The following PDE2A variants were observed in gnomAD, a reference collection of about 807,000 sequenced individuals.
PDE2A encodes the protein phosphodiesterase 2A.
Under a neutral mutation model 133.6 loss-of-function variants are expected in PDE2A, and 53 were observed. The ratio of observed to expected loss-of-function variants is 0.40; its 90% CI spans 0.32 to 0.50. PDE2A has a LOEUF of 0.50. Among genes scored for constraint, PDE2A ranks in the 20% least tolerant of loss-of-function variants. PDE2A has a pLI of 0.73. For missense variants in PDE2A, 796 were observed against 1,232.4 expected (o/e 0.65, Z 5.30); for synonymous variants, 491 against 490.2 (o/e 1.00, Z -0.02).
chr11:72,644,114 TCCTG>T (rs1276960413), intron 1 of PDE2A, among the ~76,000 whole-genome samples: 4 of 150,464 alleles, frequency 2.7e-5, no homozygotes, highest in Admixed American at 2.6e-4. Flanking sequence ...GATCCTTCCC[TCCTG>T]CCTGTCATTT....
At chr11:72,599,691 A>C (rs1856650272) in intron 4 of PDE2A, among the ~76,000 whole-genome samples, 2 of 152,238 alleles carry the variant, frequency 1.3e-5, no homozygotes. Flanking sequence ...TAAGTGTTCT[A>C]GATGAAAAAC....
At chr11:72,654,502 G>C (rs1320444102) in intron 1 of PDE2A, among the ~76,000 whole-genome samples, 1 of 152,124 alleles carries the variant, frequency 6.6e-6, no homozygotes, top group Non-Finnish European at 1.5e-5. Context: ...CTGCTCAGGA[G>C]CCCCTCCCAG....
chr11:72,594,238 T>C (rs747923182), intron 6 of PDE2A, among the ~76,000 whole-genome samples: 4 of 152,206 alleles, frequency 2.6e-5, no homozygotes, highest in Non-Finnish European at 4.4e-5. Context: ...GAGCAGAGAC[T>C]GAGAGAGGGG....
chr11:72,596,516 A>G (rs995792435), intron 6 of PDE2A, 77 bp downstream of exon 6: 1 of 645,004 alleles, frequency 1.6e-6, no homozygotes, highest in Non-Finnish European at 2.4e-6. Context: ...ACACACACAC[A>G]CCCTGGACAG....
At chr11:72,586,014 G>A (rs1370204026) in intron 14 of PDE2A, 56 bp downstream of exon 14, 8 of 1,033,324 alleles carry the variant, frequency 7.7e-6, no homozygotes, top group African/African-American at 3.1e-5. Flanking sequence ...AATGGCTCTC[G>A]GGGCTGAAAA....
intron 1 of PDE2A, among the ~76,000 whole-genome samples, chr11:72,665,416 C>T (rs1855206200): frequency 2.0e-5 from 3 of 151,664 alleles, no homozygotes; most frequent in Non-Finnish European, 4.4e-5. Flanking sequence ...CCAGCCCCTG[C>T]CTCCAGCCCC....
Position 72,584,859 on chromosome 11 carries a change from C to A in PDE2A, c.1359+13G>T. On this transcript the variant is annotated intron_variant, in intron 17 of 30. Coordinates refer to ENST00000334456, the MANE Select transcript of PDE2A (RefSeq NM_002599.5). ...CACCCCTAGGGCCACATACTCCCTC[C>A]ACACCCTCTCACCTCATCATCCACC... The A allele has an allele frequency of 1.2e-6, 2 of 1,613,222 alleles. No homozygotes were observed.
intron 20 of PDE2A, among the ~76,000 whole-genome samples, chr11:72,582,954 T>G (rs745654385): frequency 2.0e-5 from 3 of 152,194 alleles, no homozygotes; most frequent in Non-Finnish European, 4.4e-5. Flanking sequence ...GGTCTGGGCC[T>G]CTCTGGTTTG....
intron 17 of PDE2A, 27 bp downstream of exon 17, chr11:72,584,845 C>A: frequency 2.5e-6 from 4 of 1,611,926 alleles, no homozygotes; most frequent in Non-Finnish European, 2.5e-6. Context: ...ACCCCTAGGG[C>A]CACATACTCC....
intron 30 of PDE2A, among the ~76,000 whole-genome samples, chr11:72,577,898 G>A (rs535367821): frequency 6.6e-6 from 1 of 152,332 alleles, no homozygotes; most frequent in South Asian, 2.1e-4. Flanking sequence ...CTTGAACCCA[G>A]GAGGGGGAGG....
In PDE2A at chr11:72,597,461, AGTCC is replaced by A. The variant is rs1298778139; in HGVS notation, c.433+45_433+48del. ...ACATGACCTGGAGTGCAGGGGCCAC[AGTCC>A]CTCCCTGCCCCTGCCCCTGCCCCTG... On this transcript the variant is annotated intron_variant, in intron 5 of 30. Transcript: ENST00000334456. The surrounding 1 kb of genome is among the most constrained non-coding windows in gnomAD (Gnocchi z 4.6). 9.5e-7 allele frequency: 1 copy of A among 1,052,858 alleles called. No individual in the cohort carries two copies. The highest frequency in any genetic ancestry group is 2.1e-5 in the African/African-American group (1 of 48,550). 65.2% of individuals were successfully genotyped at this position (1,052,858 alleles called of 1,614,324 possible). A position where few individuals can be genotyped will look rare whatever the true frequency, so the allele number is the denominator to read the frequency against.
At chr11:72,596,278 C>T (rs964910717) in intron 6 of PDE2A, among the ~76,000 whole-genome samples, 9 of 152,138 alleles carry the variant, frequency 5.9e-5, no homozygotes, top group Admixed American at 5.9e-4. Flanking sequence ...GCCTTCTAAC[C>T]TTATGGGGGC....
rs544534235 is a variant in PDE2A at position 72,615,786 on chromosome 11, C to T, written c.145-7035G>A. On this transcript the variant is annotated intron_variant, in intron 2 of 30. Transcript: ENST00000334456. ...TCCTTGTCCTCTGGCCTGGGGCCCA[C>T]GAGGCAGCTCGCGGCAGTCACAAGG... 6.6e-5 allele frequency among the ~76,000 whole-genome samples: 10 copies of T among 152,310 alleles called. No homozygotes were observed. In the South Asian group the frequency reaches 1.2e-3, roughly 19 times the overall value.
intron 2 of PDE2A, among the ~76,000 whole-genome samples, chr11:72,626,543 G>A (rs1204866390): frequency 2.0e-5 from 3 of 152,216 alleles, no homozygotes; most frequent in Non-Finnish European, 2.9e-5. Flanking sequence ...ATAAGGGCCC[G>A]AAAAGTGCTG....
chr11:72,591,966 A>G (rs896087565), intron 6 of PDE2A, among the ~76,000 whole-genome samples: 24 of 152,176 alleles, frequency 1.6e-4, no homozygotes, highest in African/African-American at 5.8e-4. Flanking sequence ...CACATAGCAG[A>G]AAGTGGCAGA....
At chr11:72,609,620 A>T (rs1857115064) in intron 2 of PDE2A, among the ~76,000 whole-genome samples, 1 of 152,272 alleles carries the variant, frequency 6.6e-6, no homozygotes, top group African/African-American at 2.4e-5. Flanking sequence ...TCGCTCTATT[A>T]ACTTGGCCAG....
chr11:72,673,180 G>T (rs1164072878), intron 1 of PDE2A, among the ~76,000 whole-genome samples: 6 of 152,024 alleles, frequency 3.9e-5, no homozygotes, highest in African/African-American at 9.7e-5. Context: ...ACTCTATTTT[G>T]CAGACACAAC....
intron 1 of PDE2A, among the ~76,000 whole-genome samples, chr11:72,650,753 A>G (rs750708414): frequency 5.3e-5 from 8 of 152,056 alleles, no homozygotes; most frequent in Non-Finnish European, 8.8e-5. Context: ...CCTGCCCTGT[A>G]CCACCAGACA....
intron 2 of PDE2A, among the ~76,000 whole-genome samples, chr11:72,611,107 G>A (rs1282514411): frequency 6.6e-6 from 1 of 152,204 alleles, no homozygotes; most frequent in Non-Finnish European, 1.5e-5. Flanking sequence ...TGACTCCTGA[G>A]AGGCCCTGCC....
Sources: gnomAD v4.1 joint callset for allele counts (sites outside exome capture counted in the v4.1 genomes callset) on GRCh38, gnomAD v4.1.1 for gene constraint, Gnocchi (gnomAD v3.1) non-coding constraint, MANE v1.5 for transcripts, NCBI Gene and HGNC (gene_info 2026-07-23, HGNC 2026-07-21) for gene names.